PAX9: variants seen among roughly 807,000 people sequenced by gnomAD.
PAX9 encodes paired box 9.
PAX9 carries 6 observed loss-of-function variants against 29.1 expected under a neutral mutation model. The ratio of observed to expected loss-of-function variants is 0.21; its 90% CI spans 0.11 to 0.41. The LOEUF is 0.41. PAX9 is among the 10% of genes least tolerant of loss of function. The pLI, the probability that PAX9 is intolerant of heterozygous loss-of-function variation, is 1.00. For synonymous variants in PAX9, 217 were observed against 211.7 expected (o/e 1.03, Z -0.22); for missense variants, 443 against 479.1 (o/e 0.92, Z 0.70).
At chr14:36,673,275 G>A (rs995284900) in intron 3 of PAX9, among the ~76,000 whole-genome samples, 1 of 152,066 alleles carries the variant, frequency 6.6e-6, no homozygotes, top group African/African-American at 2.4e-5. Context: ...AAATATTGTG[G>A]ATTTAAGAGA....
At chr14:36,659,024 T>C (rs1300091769), upstream of PAX9, among the ~76,000 whole-genome samples, 1 of 152,046 alleles carries the variant, frequency 6.6e-6, no homozygotes, top group East Asian at 1.9e-4. Context: ...ACTGAGTAAA[T>C]ATTTATCCAG....
chr14:36,664,094 A>G (rs1207165404), intron 2 of PAX9, among the ~76,000 whole-genome samples: 1 of 152,202 alleles, frequency 6.6e-6, no homozygotes, highest in Non-Finnish European at 1.5e-5. Flanking sequence ...CTTATGCTTC[A>G]CTTCATTTTC....
chr14:36,678,328 TTGAA>T lies in PAX9; in HGVS notation c.*1877_*1880del. Reference sequence around the variant, plus strand: ...GACAGCAGATATCTTATAGAGAGCTTTGAACTGCATTTATTTCTAAAGCAACCGA... The same window carrying T: ...GACAGCAGATATCTTATAGAGAGCTTCTGCATTTATTTCTAAAGCAACCGA... On this transcript the variant is annotated 3_prime_UTR_variant, in exon 4 of 4. Coordinates refer to ENST00000361487, the MANE Select transcript of PAX9 (RefSeq NM_001372076.1). 1 of 660,270 alleles carries T rather than the reference TTGAA, an allele frequency of 1.5e-6. No homozygotes were observed. Among genetic ancestry groups the T allele is most frequent in the South Asian group, 1.9e-5 (1 of 51,348 alleles). The allele number at this position is 660,270 out of a possible 1,614,324, so 40.9% of individuals were successfully genotyped here. A position where few individuals can be genotyped will look rare whatever the true frequency, so the allele number is the denominator to read the frequency against.
intron 2 of PAX9, among the ~76,000 whole-genome samples, chr14:36,665,754 A>G (rs1881465214): frequency 6.6e-6 from 1 of 152,182 alleles, no homozygotes; most frequent in African/African-American, 2.4e-5. Context: ...ACTAACACCC[A>G]TGGCATGTAT....
chr14:36,665,167 GAAAA>G lies in PAX9; in HGVS notation c.632-1277_632-1274del, dbSNP rs67344124. Among the ~76,000 whole-genome samples, 449 of 87,786 alleles carry G rather than the reference GAAAA, an allele frequency of 5.1e-3. 18 individuals are homozygous for G. The East Asian group carries it at 0.11, about 22-fold the overall frequency. 57.6% of individuals were successfully genotyped at this position (87,786 alleles called of 152,430 possible). On this transcript the variant is annotated intron_variant, in intron 2 of 3. Transcript: ENST00000361487. ...GGGGTGGTAGAGGAGGAGACATAGT[GAAAA>G]AAAAAAAAAAAAAAAAAGGCTGACA... is the stretch of plus-strand genomic sequence containing the variant.
At position 36,663,410 on chromosome 14, in the gene PAX9, T is replaced by G. The variant is rs1594467348; in HGVS notation, c.518T>G (p.Val173Gly). Residue 173 changes from valine (V) to glycine (G), a missense_variant, in exon 2 of 4, where the codon GTG (valine) becomes GGG (glycine). By Grantham distance (109) the Val-to-Gly change is moderately radical (BLOSUM62 -3). This residue lies in a region of PAX9 where 336 missense variants were observed against 317.2 expected (regional missense o/e 1.06). Transcript: ENST00000361487. ...CCTATCACGGCGGCGGCCGCCAAGG[T>G]GCCCACGCCACCCGGGGTGCCTGCC... ...PSPITAAAAK[V>G]PTPPGVPAIP... 1 of 1,613,098 alleles carries G rather than the reference T, an allele frequency of 6.2e-7. No individual in the cohort carries two copies. The highest frequency in any genetic ancestry group is 8.5e-7 in the Non-Finnish European group (1 of 1,179,762).
chr14:36,678,214 C>T lies in PAX9; in HGVS notation c.*1762C>T. On this transcript the variant is annotated 3_prime_UTR_variant, in exon 4 of 4. Coordinates refer to ENST00000361487, the MANE Select transcript of PAX9 (RefSeq NM_001372076.1). ...GTGGCTTCGTTTAAAACTCAGATGG[C>T]TAGATTAGTTAGGTTTTCAAATCAC... is the stretch of plus-strand genomic sequence containing the variant. The T allele has an allele frequency of 2.0e-6, 1 of 500,478 alleles. No individual in the cohort carries two copies. Among genetic ancestry groups the T allele is most frequent in the Admixed American group, 3.2e-5 (1 of 30,778 alleles). The allele number at this position is 500,478 out of a possible 1,614,324, so 31.0% of individuals were successfully genotyped here. A position where few individuals can be genotyped will look rare whatever the true frequency, so the allele number is the denominator to read the frequency against.
chr14:36,659,542 T>C (rs1460193489), upstream of PAX9, among the ~76,000 whole-genome samples: 1 of 152,194 alleles, frequency 6.6e-6, no homozygotes, highest in Non-Finnish European at 1.5e-5. Context: ...AATTGACTCT[T>C]CCTGCGCTCT....
At chr14:36,659,842 T>A (rs913852782), upstream of PAX9, among the ~76,000 whole-genome samples, 2 of 152,128 alleles carry the variant, frequency 1.3e-5, no homozygotes, top group Non-Finnish European at 2.9e-5. Flanking sequence ...CTAAACCATA[T>A]CAGTTTCTGA....
chr14:36,659,483 A>C (rs1223085072), upstream of PAX9, among the ~76,000 whole-genome samples: 1 of 152,036 alleles, frequency 6.6e-6, no homozygotes, highest in Non-Finnish European at 1.5e-5. Context: ...TTGCTCCCAG[A>C]GCGGGGTCTT....
chr14:36,671,643 AGTCC>A (rs1881696981), intron 3 of PAX9, among the ~76,000 whole-genome samples: 2 of 152,284 alleles, frequency 1.3e-5, no homozygotes, highest in South Asian at 4.1e-4. Context: ...GATTAAGGCA[AGTCC>A]CTGTCCTCAG....
chr14:36,663,582 A>G (rs1881377225), intron 2 of PAX9, 59 bp downstream of exon 2: 2 of 1,600,174 alleles, frequency 1.2e-6, no homozygotes, highest in South Asian at 1.1e-5. Flanking sequence ...ACTCTCGCGG[A>G]GGTCCCAGTA....
chr14:36,673,361 TG>T (rs1337970444), intron 3 of PAX9, among the ~76,000 whole-genome samples: 2 of 152,192 alleles, frequency 1.3e-5, no homozygotes, highest in East Asian at 1.9e-4. Context: ...TGGACAAACA[TG>T]GAAAAATTTG....
Position 36,662,026 on chromosome 14 carries a change from C to T in PAX9, c.-64C>T, listed in dbSNP as rs1881289142. 5.8e-6 allele frequency: 9 copies of T among 1,551,868 alleles called. No individual in the cohort carries two copies. The highest frequency in any genetic ancestry group is 7.8e-6 in the Non-Finnish European group (9 of 1,147,728). On this transcript the variant is annotated 5_prime_UTR_variant, in exon 1 of 4. Coordinates refer to ENST00000361487, the MANE Select transcript of PAX9 (RefSeq NM_001372076.1). ...ATAGCAACAGGCCGGGCCACTGAGGCGGTGCGGAAAGTTTCTGTCTGGGAG... is the reference window on the plus strand; with the variant it reads ...ATAGCAACAGGCCGGGCCACTGAGGTGGTGCGGAAAGTTTCTGTCTGGGAG...
rs549694790 is a variant in PAX9 at position 36,668,608 on chromosome 14, T to C, written c.771+2007T>C. 6.5e-3 allele frequency among the ~76,000 whole-genome samples: 995 copies of C among 152,216 alleles called. 5 individuals are homozygous for C. Among genetic ancestry groups the C allele is most frequent in the Middle Eastern group, 0.017 (5 of 294 alleles). On this transcript the variant is annotated intron_variant, in intron 3 of 3. Transcript: ENST00000361487. ...TTCACCATGTTGGCCTGGCTGGTCTTGATCTCCTGACCTCGTGATCCACCC... is the reference window on the plus strand; with the variant it reads ...TTCACCATGTTGGCCTGGCTGGTCTCGATCTCCTGACCTCGTGATCCACCC...
intron 3 of PAX9, among the ~76,000 whole-genome samples, chr14:36,671,438 A>T (rs573462640): frequency 4.8e-5 from 7 of 146,366 alleles, no homozygotes; most frequent in African/African-American, 1.7e-4. Context: ...ACTTCTGTTT[A>T]CTTTTTTCAA....
At chr14:36,673,066 A>AT (rs1429349130) in intron 3 of PAX9, among the ~76,000 whole-genome samples, 1 of 150,942 alleles carries the variant, frequency 6.6e-6, no homozygotes, top group East Asian at 2.0e-4. Context: ...GGGTTTCACT[A>AT]TGTTGGCCAG....
At chr14:36,659,446 T>C (rs1881172387), upstream of PAX9, among the ~76,000 whole-genome samples, 1 of 152,224 alleles carries the variant, frequency 6.6e-6, no homozygotes, top group Non-Finnish European at 1.5e-5. Context: ...GGGATCCCGC[T>C]GACCCTGTCT....
Position 36,678,495 on chromosome 14 carries a change from A to C in PAX9, c.*2043A>C. On this transcript the variant is annotated 3_prime_UTR_variant, in exon 4 of 4. Transcript: ENST00000361487. Reference sequence around the variant, plus strand: ...TCTGGAGTTCCCAGTCTGGTGAGAAAATAGACTATAAACTGAATGGAACAA... The same window carrying C: ...TCTGGAGTTCCCAGTCTGGTGAGAACATAGACTATAAACTGAATGGAACAA... The C allele has an allele frequency of 2.0e-6, 3 of 1,537,014 alleles. No homozygotes were observed. Among genetic ancestry groups the C allele is most frequent in the Non-Finnish European group, 2.6e-6 (3 of 1,146,750 alleles).
Sources: allele counts gnomAD v4.1 joint callset (sites outside exome capture counted in the v4.1 genomes callset), GRCh38; gene constraint gnomAD v4.1.1; regional missense constraint gnomAD v4.1.1; transcripts MANE v1.5; gene names NCBI Gene and HGNC (gene_info 2026-07-23, HGNC 2026-07-21).